Variants in CFAP47 observed in about 807,000 individuals in gnomAD.
CFAP47 encodes the protein cilia and flagella associated protein 47, also known as cilia- and flagella-associated protein 47.
CFAP47 carries 29 observed loss-of-function variants against 148.1 expected under a neutral mutation model. The ratio of observed to expected loss-of-function variants is 0.20; its 90% confidence interval spans 0.15 to 0.27. The LOEUF is 0.27. Among genes scored for constraint, CFAP47 ranks in the 10% least tolerant of loss-of-function variants. The pLI, the probability that CFAP47 is intolerant of heterozygous loss-of-function variation, is 1.00. For synonymous variants in CFAP47, 664 were observed against 577.3 expected (o/e 1.15, Z -2.15); for missense variants, 1,872 against 1,697.5 (o/e 1.10, Z -1.81).
intron 22 of CFAP47, among the ~76,000 whole-genome samples, chrX:36,017,809 T>C (rs772721946): frequency 2.7e-5 from 3 of 111,508 alleles, no homozygotes; most frequent in Non-Finnish European, 5.7e-5. Flanking sequence ...AGTCAGGTAA[T>C]GTTATTCCTC....
intron 49 of CFAP47, among the ~76,000 whole-genome samples, chrX:36,260,230 C>T (rs1266571784): frequency 9.0e-6 from 1 of 111,153 alleles, no homozygotes; most frequent in Admixed American, 9.5e-5. Context: ...TATTTATTTC[C>T]CTTTGGATAT....
intron 26 of CFAP47, among the ~76,000 whole-genome samples, chrX:36,061,366 C>T (rs1020753439): frequency 8.9e-6 from 1 of 111,931 alleles, no homozygotes; most frequent in Non-Finnish European, 1.9e-5. Flanking sequence ...CTTCGTAACT[C>T]TATTACTGAT....
At chrX:36,363,278 A>G (rs1293498288) in intron 61 of CFAP47, among the ~76,000 whole-genome samples, 1 of 111,537 alleles carries the variant, frequency 9.0e-6, no homozygotes, top group African/African-American at 3.3e-5. Context: ...TGATTCCATC[A>G]TTGTAGAGTG....
chrX:36,362,785 G>A (rs1941839988), intron 61 of CFAP47, among the ~76,000 whole-genome samples: 1 of 111,890 alleles, frequency 8.9e-6, no homozygotes, highest in South Asian at 3.7e-4. Flanking sequence ...TATGTAGTTT[G>A]ATAACGAAAA....
At chrX:36,269,570 A>G (rs782041211) in intron 49 of CFAP47, among the ~76,000 whole-genome samples, 4 of 112,477 alleles carry the variant, frequency 3.6e-5, no homozygotes, top group Non-Finnish European at 5.6e-5. Context: ...ACATTTCTCA[A>G]TTCCTATCAT....
At chrX:36,092,600 G>A (rs1421557126) in intron 30 of CFAP47, among the ~76,000 whole-genome samples, 2 of 108,724 alleles carry the variant, frequency 1.8e-5, no homozygotes, top group African/African-American at 3.3e-5. Context: ...GGTTTTAAAA[G>A]TTAACTATAT....
Position 36,338,035 on chromosome X carries a change from ATTT to A in CFAP47, c.8444-10071_8444-10069del, listed in dbSNP as rs1209274928. On this transcript the variant is annotated intron_variant, in intron 57 of 63. Transcript: ENST00000378653. ...CAGGCGCCCGCCACTACGCCTGGCTATTTTTTTTTTTTTTTTTTTTTTTTTGTA... is the reference window on the plus strand; with the variant it reads ...CAGGCGCCCGCCACTACGCCTGGCTATTTTTTTTTTTTTTTTTTTTTTGTA... Among the ~76,000 whole-genome samples the A allele has an allele frequency of 4.0e-3, 186 of 46,560 alleles. 1 individual carries two copies. The highest frequency in any genetic ancestry group is 0.017 in the African/African-American group (176 of 10,470). The allele number at this position is 46,560 out of a possible 115,157, so 40.4% of individuals were successfully genotyped here.
chrX:36,004,859 G>A (rs1936962888), intron 21 of CFAP47, among the ~76,000 whole-genome samples: 1 of 111,129 alleles, frequency 9.0e-6, no homozygotes, highest in African/African-American at 3.3e-5. Context: ...CCCTTTTGGT[G>A]AAATATATCT....
chrX:36,188,617 C>A lies in CFAP47; in HGVS notation c.6105-3C>A. On this transcript the variant is annotated splice_polypyrimidine_tract_variant and splice_region_variant and intron_variant, in intron 40 of 63. Coordinates refer to ENST00000378653, the MANE Select transcript of CFAP47 (RefSeq NM_001304548.2). The stretch of plus-strand genomic sequence containing the variant: ...ATGTTGTTTTCCTATTTTCTTGTGT[C>A]AGTGATGATATGAGTAGCAGTGGGA... The A allele has an allele frequency of 3.4e-6, 1 of 297,077 alleles. No individual in the cohort carries two copies. Among genetic ancestry groups the A allele is most frequent in the South Asian group, 2.0e-4 (1 of 4,994 alleles). 24.5% of individuals were successfully genotyped at this position (297,077 alleles called of 1,213,427 possible).
intron 49 of CFAP47, among the ~76,000 whole-genome samples, chrX:36,279,526 C>T (rs951191440): frequency 9.0e-6 from 1 of 111,616 alleles, no homozygotes; most frequent in East Asian, 2.8e-4. Context: ...TAGAAACATA[C>T]AGTTTTGTGT....
intron 51 of CFAP47, among the ~76,000 whole-genome samples, chrX:36,290,260 A>C (rs1164433813): frequency 8.9e-6 from 1 of 112,032 alleles, no homozygotes. Flanking sequence ...AGTTAAAGCA[A>C]GAATGCTGAC....
intron 36 of CFAP47, among the ~76,000 whole-genome samples, chrX:36,146,450 A>G (rs1166116367): frequency 1.8e-5 from 2 of 112,178 alleles, no homozygotes; most frequent in Admixed American, 9.5e-5. Flanking sequence ...GCTAGAAATA[A>G]TGCTCATACC....
In CFAP47 at chrX:36,129,424, C is replaced by A. The variant is rs191568876; in HGVS notation, c.5321-8534C>A. On this transcript the variant is annotated intron_variant, in intron 33 of 63. Coordinates refer to ENST00000378653, the MANE Select transcript of CFAP47 (RefSeq NM_001304548.2). ...TTGTTCACTTATGTAGAAGTTATAT[C>A]AAGTATTATATACATTACTTTATAT... Among the ~76,000 whole-genome samples the A allele has an allele frequency of 5.0e-3, 551 of 110,394 alleles. 2 individuals carry two copies. Among genetic ancestry groups the A allele is most frequent in the African/African-American group, 0.017 (513 of 30,683 alleles).
rs1939978035 is a variant in CFAP47 at position 36,201,335 on chromosome X, G to A, written c.6498G>A (p.Val2166=). ...GCAAACCCTATCAAATCCTGTATGTGGACCTTAAATTGCCAATGACTAATG... is the reference window on the plus strand; with the variant it reads ...GCAAACCCTATCAAATCCTGTATGTAGACCTTAAATTGCCAATGACTAATG... ...LKCKPYQILY[V]DLKLPMTNEA... is the part of the protein sequence containing the mutation. The change falls in exon 44 of 64, where the codon GTG becomes GTA. Residue 2166 remains valine, a synonymous_variant. Coordinates refer to ENST00000378653, the MANE Select transcript of CFAP47 (RefSeq NM_001304548.2). 14 of 297,039 alleles carry A rather than the reference G, an allele frequency of 4.7e-5. No homozygotes were observed. The East Asian group carries it at 6.7e-4, about 14-fold the overall frequency. 24.5% of individuals were successfully genotyped at this position (297,039 alleles called of 1,213,427 possible). A position where few individuals can be genotyped will look rare whatever the true frequency, so the allele number is the denominator to read the frequency against.
At chrX:36,320,570 G>A (rs1421372016) in intron 57 of CFAP47, among the ~76,000 whole-genome samples, 3 of 111,768 alleles carry the variant, frequency 2.7e-5, no homozygotes, top group African/African-American at 6.5e-5. Context: ...GAATCTTTTT[G>A]TGTTTCAAAA....
At chrX:36,021,764 G>A (rs185389972) in intron 22 of CFAP47, among the ~76,000 whole-genome samples, 42 of 107,435 alleles carry the variant, frequency 3.9e-4, no homozygotes, top group Admixed American at 9.1e-4. Context: ...GAGAACATGC[G>A]GTGTTTGGCT....
chrX:35,984,144 A>G (rs1936683501), intron 15 of CFAP47, among the ~76,000 whole-genome samples: 1 of 111,603 alleles, frequency 9.0e-6, no homozygotes, highest in Non-Finnish European at 1.9e-5. Flanking sequence ...TCAGAACTCA[A>G]TACTGGTCTG....
At chrX:35,951,423 A>T in intron 5 of CFAP47, 64 bp downstream of exon 5, 1 of 714,749 alleles carries the variant, frequency 1.4e-6, no homozygotes, top group Non-Finnish European at 2.1e-6. Context: ...GTTAAATCTA[A>T]TAATAACCAA....
At chrX:36,240,023 G>A (rs1940522569) in intron 48 of CFAP47, among the ~76,000 whole-genome samples, 1 of 112,005 alleles carries the variant, frequency 8.9e-6, no homozygotes. Flanking sequence ...TAGAGCTTCA[G>A]TGGGCACATA....
Sources: gnomAD v4.1 joint callset for allele counts (sites outside exome capture counted in the v4.1 genomes callset) on GRCh38, gnomAD v4.1.1 for gene constraint, MANE v1.5 for transcripts, NCBI Gene and HGNC (gene_info 2026-07-23, HGNC 2026-07-21) for gene names.